HNRNPF: variants seen among roughly 807,000 people sequenced by gnomAD.
HNRNPF encodes the protein heterogeneous nuclear ribonucleoprotein F.
HNRNPF carries 2 observed loss-of-function variants against 26.0 expected under a neutral mutation model. The ratio of observed to expected loss-of-function variants is 0.08; its 90% CI spans 0.03 to 0.24. HNRNPF has a LOEUF of 0.24. Ranked by LOEUF, HNRNPF falls within the 10% of genes least tolerant of loss-of-function variation. HNRNPF has a pLI of 1.00. For synonymous variants in HNRNPF, 234 were observed against 211.5 expected, an observed-to-expected ratio of 1.11 and a Z score of -0.92; for missense variants, 299 against 539.2, an observed-to-expected ratio of 0.55 and a Z score of 4.41.
At chr10:43,399,259 T>A (rs993111469) in intron 1 of HNRNPF, among the ~76,000 whole-genome samples, 31 of 152,206 alleles carry the variant, frequency 2.0e-4, no homozygotes, top group East Asian at 1.4e-3. Flanking sequence ...ATTTTTTTTT[T>A]AATTTTTTAG....
chr10:43,404,219 T>C (rs1248122831), intron 1 of HNRNPF, among the ~76,000 whole-genome samples: 1 of 150,402 alleles, frequency 6.6e-6, no homozygotes, highest in East Asian at 2.0e-4. Flanking sequence ...GAGAATCGCC[T>C]GAACCCAGGA....
At chr10:43,406,346 T>C (rs959970245) in intron 1 of HNRNPF, among the ~76,000 whole-genome samples, 2 of 152,146 alleles carry the variant, frequency 1.3e-5, no homozygotes, top group Admixed American at 1.3e-4. Flanking sequence ...ATAAATTCCA[T>C]TTTTTACCTG....
At chr10:43,388,447 T>A (rs17153601) in intron 3 of HNRNPF, among the ~76,000 whole-genome samples, 16,927 of 152,226 alleles carry the variant, frequency 0.11, 985 homozygotes, top group Non-Finnish European at 0.12. Flanking sequence ...TCAGCAGTAA[T>A]GTTGCCAGGA....
chr10:43,385,773 G>A lies in HNRNPF; in HGVS notation c.*864C>T, dbSNP rs1837999693. The stretch of plus-strand genomic sequence containing the variant: ...GAATGGTTTACAACAGTGCACATAA[G>A]TTGCAGGTGGCTGGGGCCGTGTGTC... On this transcript the variant is annotated 3_prime_UTR_variant, in exon 4 of 4. Transcript: ENST00000682386. 6.6e-6 allele frequency: 1 copy of A among 152,242 alleles called. No individual in the cohort carries two copies. The highest frequency in any genetic ancestry group is 6.5e-5 in the Admixed American group (1 of 15,284). The allele number at this position is 152,242 out of a possible 1,614,324, so 9.4% of individuals were successfully genotyped here.
chr10:43,396,615 TG>T (rs1047463449), intron 1 of HNRNPF, 25 bp from the exon 2 acceptor site: 1 of 152,102 alleles, frequency 6.6e-6, no homozygotes, highest in Non-Finnish European at 1.5e-5. Context: ...CAAGTGGTGG[TG>T]GGGTCCCTTC....
chr10:43,388,922 C>T (rs1838136222), intron 3 of HNRNPF, among the ~76,000 whole-genome samples: 2 of 151,342 alleles, frequency 1.3e-5, no homozygotes, highest in Non-Finnish European at 2.9e-5. Flanking sequence ...TTTATATGAA[C>T]ACTGTCAAGG....
intron 1 of HNRNPF, chr10:43,408,875 CT>C (rs1839014999): frequency 1.3e-5 from 2 of 152,380 alleles, no homozygotes; most frequent in African/African-American, 4.8e-5. Flanking sequence ...AAACCCCCGC[CT>C]GCGAGCACGG....
chr10:43,392,446 G>C (rs979189667), intron 3 of HNRNPF, among the ~76,000 whole-genome samples: 1 of 152,204 alleles, frequency 6.6e-6, no homozygotes, highest in African/African-American at 2.4e-5. Flanking sequence ...CGCTGGGACA[G>C]GAGAATCGCT....
At chr10:43,392,270 G>T (rs945237130) in intron 3 of HNRNPF, among the ~76,000 whole-genome samples, 1 of 152,222 alleles carries the variant, frequency 6.6e-6, no homozygotes, top group Non-Finnish European at 1.5e-5. Context: ...GCCGGGCACA[G>T]TGCCTCACAC....
intron 1 of HNRNPF, chr10:43,397,212 G>T (rs1272893333): frequency 6.6e-6 from 1 of 152,172 alleles, no homozygotes; most frequent in Non-Finnish European, 1.5e-5. Flanking sequence ...CGTCGGCCCC[G>T]AGGAGGCGCG....
At chr10:43,388,994 CAAG>C (rs1838141418) in intron 3 of HNRNPF, among the ~76,000 whole-genome samples, 1 of 120,400 alleles carries the variant, frequency 8.3e-6, no homozygotes. Context: ...TTTTTTGAGA[CAAG>C]AGTCTCACTG....
rs188524691 is a variant in HNRNPF, at chr10:43,388,907, G to A, written c.-52-971C>T. 1.3e-4 allele frequency among the ~76,000 whole-genome samples: 19 copies of A among 151,464 alleles called. No individual in the cohort carries two copies. In the East Asian group the frequency reaches 2.7e-3, roughly 22 times the overall value. ...ACTGCAGTATCATGGGGCCAAAGAC[G>A]TATTTTTATATGAACACTGTCAAGG... On this transcript the variant is annotated intron_variant, in intron 3 of 3. Transcript: ENST00000682386.
chr10:43,398,791 C>A (rs1022475094), intron 1 of HNRNPF, among the ~76,000 whole-genome samples: 1 of 152,114 alleles, frequency 6.6e-6, no homozygotes, highest in African/African-American at 2.4e-5. Context: ...GTAGCTGGGA[C>A]CACTGGCATG....
intron 1 of HNRNPF, chr10:43,408,758 C>CG (rs1839010978): frequency 6.6e-6 from 1 of 152,288 alleles, no homozygotes; most frequent in Non-Finnish European, 1.5e-5. Flanking sequence ...CTCCCGCTCT[C>CG]ATATCAGGCA....
intron 1 of HNRNPF, among the ~76,000 whole-genome samples, chr10:43,407,258 C>T (rs1441140514): frequency 6.6e-6 from 1 of 151,434 alleles, no homozygotes; most frequent in Non-Finnish European, 1.5e-5. Context: ...CCTTCGCGCG[C>T]AGCCGCCAGC....
rs556519765 is a variant in HNRNPF, at chr10:43,391,642, T to C, written c.-53+2988A>G. 8.7e-5 allele frequency among the ~76,000 whole-genome samples: 13 copies of C among 150,202 alleles called. No homozygotes were observed. In the South Asian group the frequency reaches 2.8e-3, roughly 32 times the overall value. ...AGCTGGTTGACATTACTCTTGGAAG[T>C]GGACTTTGTGAAGTCAAGTCAGAGT... On this transcript the variant is annotated intron_variant, in intron 3 of 3. Transcript: ENST00000682386.
chr10:43,385,911 T>C lies in HNRNPF; in HGVS notation c.*726A>G, dbSNP rs181502268. 9 of 152,778 alleles carry C rather than the reference T, an allele frequency of 5.9e-5. No homozygotes were observed. The East Asian group carries it at 1.2e-3, about 20-fold the overall frequency. The allele number at this position is 152,778 out of a possible 1,614,324, so 9.5% of individuals were successfully genotyped here. On this transcript the variant is annotated 3_prime_UTR_variant, in exon 4 of 4. Coordinates refer to ENST00000682386, the MANE Select transcript of HNRNPF (RefSeq NM_001098204.2). ...CATCATAAGAATATAAGGGAGATCA[T>C]AGATTTGATGTATGAAATTTTTAAA... is the stretch of plus-strand genomic sequence containing the variant.
At chr10:43,400,417 C>T (rs1485347194) in intron 1 of HNRNPF, among the ~76,000 whole-genome samples, 2 of 152,186 alleles carry the variant, frequency 1.3e-5, no homozygotes, top group Non-Finnish European at 2.9e-5. Flanking sequence ...CTGCTCGTGT[C>T]TGTTCACCAC....
rs930953077 is a variant in HNRNPF at position 43,402,694 on chromosome 10, T to C, written c.-246-6104A>G. ...ACACCAACTTAAATTAGAAAAGATA[T>C]GTATTTGTCATAAACATCATAATTC... On this transcript the variant is annotated intron_variant, in intron 1 of 3. Transcript: ENST00000682386. Among the ~76,000 whole-genome samples, 7 of 152,194 alleles carry C rather than the reference T, an allele frequency of 4.6e-5. 1 individual carries two copies. The highest frequency in any genetic ancestry group is 1.0e-4 in the Non-Finnish European group (7 of 68,044).
Sources: allele counts gnomAD v4.1 joint callset (sites outside exome capture counted in the v4.1 genomes callset), GRCh38; gene constraint gnomAD v4.1.1; transcripts MANE v1.5; gene names NCBI Gene and HGNC (gene_info 2026-07-23, HGNC 2026-07-21).